The following RALYL variants were observed in gnomAD, a reference collection of about 807,000 sequenced individuals.
RALYL encodes RNA-binding Raly-like protein.
RALYL carries 29 observed loss-of-function variants against 35.1 expected under a neutral mutation model. That is an observed-to-expected ratio of 0.83 (90% CI 0.61 to 1.13). The LOEUF is 1.13. Among genes scored for constraint, RALYL ranks in the 50% most tolerant of loss-of-function variants. The pLI, the probability that RALYL is intolerant of heterozygous loss-of-function variation, is 0.00. For synonymous variants in RALYL, 120 were observed against 127.6 expected, an observed-to-expected ratio of 0.94 and a Z score of 0.40; for missense variants, 359 against 360.4, an observed-to-expected ratio of 1.00 and a Z score of 0.03.
At chr8:84,831,859 C>A (rs73299279) in intron 4 of RALYL, among the ~76,000 whole-genome samples, 8,768 of 152,002 alleles carry the variant, frequency 0.058, 787 homozygotes, top group African/African-American at 0.2. Context: ...TTCTTTTTTG[C>A]TTCTATAATA....
chr8:84,801,460 AG>A (rs960854424), intron 3 of RALYL, among the ~76,000 whole-genome samples: 1 of 152,144 alleles, frequency 6.6e-6, no homozygotes, highest in Non-Finnish European at 1.5e-5. Flanking sequence ...CTCTAAGTTC[AG>A]TTTTTTTTAA....
intron 2 of RALYL, among the ~76,000 whole-genome samples, chr8:84,566,226 C>CA (rs1172077263): frequency 2.0e-5 from 3 of 151,388 alleles, no homozygotes; most frequent in African/African-American, 7.3e-5. Context: ...AGAAAATCTA[C>CA]AAAAAAATTT....
At chr8:84,422,094 T>C (rs1252955923) in intron 1 of RALYL, among the ~76,000 whole-genome samples, 1 of 150,896 alleles carries the variant, frequency 6.6e-6, no homozygotes, top group Non-Finnish European at 1.5e-5. Flanking sequence ...CCTCTTTTTC[T>C]ATTGATTGGA....
At chr8:84,406,979 T>C (rs993063319) in intron 1 of RALYL, among the ~76,000 whole-genome samples, 1 of 151,722 alleles carries the variant, frequency 6.6e-6, no homozygotes, top group African/African-American at 2.4e-5. Context: ...GCTGATATTT[T>C]TGTTTGTTCT....
chr8:84,343,224 TC>T (rs1350057251), intron 1 of RALYL, among the ~76,000 whole-genome samples: 3 of 152,132 alleles, frequency 2.0e-5, no homozygotes, highest in African/African-American at 7.2e-5. Flanking sequence ...TGAGTTATAT[TC>T]ATAGTGGTAT....
At chr8:84,840,741 G>A (rs1487008299) in intron 4 of RALYL, among the ~76,000 whole-genome samples, 1 of 152,222 alleles carries the variant, frequency 6.6e-6, no homozygotes, top group Non-Finnish European at 1.5e-5. Flanking sequence ...CCCACAAAGG[G>A]AAGCCCATCA....
chr8:84,446,994 G>T (rs978365541), intron 1 of RALYL, among the ~76,000 whole-genome samples: 2 of 151,992 alleles, frequency 1.3e-5, no homozygotes, highest in Non-Finnish European at 2.9e-5. Flanking sequence ...AAAAATATAG[G>T]CTGCAAATTG....
At chr8:84,760,647 C>A (rs995440317) in intron 2 of RALYL, among the ~76,000 whole-genome samples, 5 of 151,894 alleles carry the variant, frequency 3.3e-5, no homozygotes, top group African/African-American at 1.2e-4. Context: ...AATCTCTAAT[C>A]AAAATGTTAA....
chr8:84,421,887 A>T (rs1043908087), intron 1 of RALYL, among the ~76,000 whole-genome samples: 3 of 149,306 alleles, frequency 2.0e-5, no homozygotes, highest in African/African-American at 7.4e-5. Flanking sequence ...CTTGCATCCC[A>T]GGGATGAAGC....
chr8:84,424,920 G>A (rs1324255596), intron 1 of RALYL, among the ~76,000 whole-genome samples: 2 of 151,658 alleles, frequency 1.3e-5, no homozygotes, highest in Non-Finnish European at 2.9e-5. Flanking sequence ...CAGATCTCCA[G>A]CTGTGTGCTG....
At chr8:84,418,170 C>T (rs535491416) in intron 1 of RALYL, among the ~76,000 whole-genome samples, 6 of 152,148 alleles carry the variant, frequency 3.9e-5, no homozygotes, top group East Asian at 1.9e-4. Context: ...TCAAACAGCA[C>T]GGTGCCAAAA....
chr8:84,582,874 C>T (rs912033454), intron 2 of RALYL, among the ~76,000 whole-genome samples: 1 of 144,036 alleles, frequency 6.9e-6, no homozygotes, highest in Non-Finnish European at 1.6e-5. Context: ...TATGTCTCAT[C>T]ATAATGACCA....
chr8:84,197,288 A>G (rs1241594816), intron 1 of RALYL, among the ~76,000 whole-genome samples: 1 of 152,194 alleles, frequency 6.6e-6, no homozygotes, highest in Non-Finnish European at 1.5e-5. Context: ...CCCGCAATCT[A>G]CACAGCCTCA....
chr8:84,315,356 C>A (rs111666738), intron 1 of RALYL, among the ~76,000 whole-genome samples: 4,111 of 152,050 alleles, frequency 0.027, 101 homozygotes, highest in Non-Finnish European at 0.031. Context: ...AAATGATTTG[C>A]CAAGAGTATG....
intron 3 of RALYL, among the ~76,000 whole-genome samples, chr8:84,780,111 T>G (rs1401986289): frequency 6.6e-6 from 1 of 152,128 alleles, no homozygotes; most frequent in African/African-American, 2.4e-5. Context: ...ATATTTCCAT[T>G]ATCATTATCT....
rs1187950600 is a variant in RALYL at position 84,202,367 on chromosome 8, ATTTTTTT to A, written c.-24+17961_-24+17967del. ...AAGTATTATATGATCTATTGAAGGG[ATTTTTTT>A]TTTTTTTTTTTTTTTTTGAGACAAG... On this transcript the variant is annotated intron_variant, in intron 1 of 8. Coordinates refer to ENST00000521268, the MANE Select transcript of RALYL (RefSeq NM_173848.7). Among the ~76,000 whole-genome samples, 4 of 113,456 alleles carry A rather than the reference ATTTTTTT, an allele frequency of 3.5e-5. No individual in the cohort carries two copies. In the East Asian group the frequency reaches 8.1e-4, roughly 23 times the overall value. 74.4% of individuals were successfully genotyped at this position (113,456 alleles called of 152,430 possible).
Position 84,360,029 on chromosome 8 carries a change from C to T in RALYL, c.-23-169270C>T, listed in dbSNP as rs367950240. On this transcript the variant is annotated intron_variant, in intron 1 of 8. Coordinates refer to ENST00000521268, the MANE Select transcript of RALYL (RefSeq NM_173848.7). ...CTAGAACTACAGGCATGCACCAGCACGCCTGGCTAATTTTTGTATTTTTAG... is the reference window on the plus strand; with the variant it reads ...CTAGAACTACAGGCATGCACCAGCATGCCTGGCTAATTTTTGTATTTTTAG... 4.6e-5 allele frequency among the ~76,000 whole-genome samples: 7 copies of T among 151,848 alleles called. No homozygotes were observed. The East Asian group carries it at 9.7e-4, about 21-fold the overall frequency.
intron 8 of RALYL, among the ~76,000 whole-genome samples, chr8:84,915,082 T>C (rs1252062638): frequency 6.6e-6 from 1 of 152,070 alleles, no homozygotes; most frequent in Non-Finnish European, 1.5e-5. Flanking sequence ...CACTGATTTA[T>C]AATAGAAACC....
intron 2 of RALYL, among the ~76,000 whole-genome samples, chr8:84,698,290 C>T (rs1015343584): frequency 6.6e-6 from 1 of 152,012 alleles, no homozygotes; most frequent in African/African-American, 2.4e-5. Context: ...TTTATGATTC[C>T]ATTTAGCTTC....
Sources: allele counts gnomAD v4.1 joint callset (sites outside exome capture counted in the v4.1 genomes callset), GRCh38; gene constraint gnomAD v4.1.1; transcripts MANE v1.5; gene names NCBI Gene and HGNC (gene_info 2026-07-23, HGNC 2026-07-21).